ARHGAP11B: variants seen among roughly 807,000 people sequenced by gnomAD.
ARHGAP11B encodes the protein inactive Rho GTPase-activating protein 11B.
Under a neutral mutation model 27.6 loss-of-function variants are expected in ARHGAP11B, and 14 were observed. That is an observed-to-expected ratio of 0.51 (90% CI 0.34 to 0.79). The LOEUF (loss-of-function observed/expected upper bound fraction) is 0.79. Ranked by LOEUF, ARHGAP11B falls within the 30% of genes least tolerant of loss-of-function variation. ARHGAP11B has a pLI of 0.02. For missense variants in ARHGAP11B, 245 were observed against 320.1 expected (o/e 0.77, Z 1.79); for synonymous variants, 82 against 114.1 (o/e 0.72, Z 1.80).
chr15:30,647,140 A>G (rs1341624416), intron 9 of ARHGAP11B, among the ~76,000 whole-genome samples: 2 of 151,870 alleles, frequency 1.3e-5, no homozygotes, highest in African/African-American at 4.8e-5. Context: ...ACCCCCTAAG[A>G]CATTTTTTTC....
intron 6 of ARHGAP11B, among the ~76,000 whole-genome samples, chr15:30,637,652 T>G (rs1381671958): frequency 6.6e-6 from 1 of 151,838 alleles, no homozygotes; most frequent in Non-Finnish European, 1.5e-5. Context: ...GAGAATGGTG[T>G]GAACCTGGGA....
intron 3 of ARHGAP11B, 62 bp from the exon 4 acceptor site, chr15:30,634,108 T>C (rs2060263198): frequency 6.9e-6 from 11 of 1,602,776 alleles, no homozygotes; most frequent in Middle Eastern, 3.5e-4. Flanking sequence ...TAACAAAAGA[T>C]TCTTTATTTG....
intron 9 of ARHGAP11B, among the ~76,000 whole-genome samples, chr15:30,646,968 T>TCAAAACAAAA (rs1046727180): frequency 4.6e-5 from 7 of 152,030 alleles, no homozygotes; most frequent in Admixed American, 3.9e-4. Flanking sequence ...AAACTCCATC[T>TCAAAACAAAA]CAAAACAAAA....
chr15:30,649,010 C>G (rs375038471), exon 11 of ARHGAP11B: 1 of 151,978 alleles, frequency 6.6e-6, no homozygotes, highest in Non-Finnish European at 1.5e-5. Flanking sequence ...TTATTTAAAA[C>G]ATGTTATACC....
exon 1 of ARHGAP11B, chr15:30,626,600 G>A: frequency 1.7e-6 from 1 of 604,658 alleles, no homozygotes; most frequent in African/African-American, 1.9e-5. Flanking sequence ...AGGTGTGGCT[G>A]GATCAAAGGG....
intron 2 of ARHGAP11B, 142 bp downstream of exon 2, chr15:30,630,915 A>G (rs2060241287): frequency 7.0e-7 from 1 of 1,434,606 alleles, no homozygotes; most frequent in Non-Finnish European, 9.3e-7. Context: ...CCTTGTCGCA[A>G]AAGATAGAAA....
rs557586861 is a variant in ARHGAP11B, at chr15:30,629,674, A to G, written c.130-1029A>G. ...AATTGGAGCCAGGTGCTTGAAAGGG[A>G]ATTAGTAAAATTTTGTTACTGTGTT... is the stretch of plus-strand genomic sequence containing the variant. On this transcript the variant is annotated intron_variant, in intron 1 of 10. Transcript: ENST00000428041. Among the ~76,000 whole-genome samples, 10 of 152,232 alleles carry G rather than the reference A, an allele frequency of 6.6e-5. No homozygotes were observed. In the East Asian group the frequency reaches 1.9e-3, roughly 30 times the overall value.
intron 8 of ARHGAP11B, among the ~76,000 whole-genome samples, chr15:30,644,942 C>T (rs1421438559): frequency 6.6e-6 from 1 of 151,878 alleles, no homozygotes; most frequent in Non-Finnish European, 1.5e-5. Context: ...TCCTGTAGAT[C>T]TGGGCAAGTT....
rs146187092 is a variant in ARHGAP11B, at chr15:30,633,877, T to G, written c.297+291T>G. Among the ~76,000 whole-genome samples the G allele has an allele frequency of 9.7e-3, 1,475 of 151,734 alleles. 33 individuals are homozygous for G. The highest frequency in any genetic ancestry group is 0.034 in the African/African-American group (1,395 of 41,170). On this transcript the variant is annotated intron_variant, in intron 3 of 10. Coordinates refer to ENST00000428041, the Ensembl canonical transcript of ARHGAP11B. Reference sequence around the variant, plus strand: ...TGTTAGCCTTCTAGAAGGAGTGATATAGCTGAGTGTGGTGGCACATGCTTG... The same window carrying G: ...TGTTAGCCTTCTAGAAGGAGTGATAGAGCTGAGTGTGGTGGCACATGCTTG...
chr15:30,643,164 T>A (rs1287519435), intron 7 of ARHGAP11B, among the ~76,000 whole-genome samples: 1 of 152,054 alleles, frequency 6.6e-6, no homozygotes, highest in Admixed American at 6.6e-5. Context: ...TCTTCCAGGA[T>A]GCCACATTAC....
intron 7 of ARHGAP11B, chr15:30,641,496 T>A (rs2060315279): frequency 6.6e-6 from 1 of 151,704 alleles, no homozygotes; most frequent in African/African-American, 2.4e-5. Flanking sequence ...CCACCACACC[T>A]GGCTAATTTT....
intron 7 of ARHGAP11B, chr15:30,644,586 G>C: frequency 9.2e-7 from 1 of 1,088,712 alleles, no homozygotes; most frequent in East Asian, 2.4e-5. Flanking sequence ...CATATAAGGA[G>C]ACATATCAAT....
chr15:30,637,046 C>T lies in ARHGAP11B; in HGVS notation c.*3+1413C>T, dbSNP rs576798720. On this transcript the variant is annotated intron_variant, in intron 6 of 10. Coordinates refer to ENST00000428041, the Ensembl canonical transcript of ARHGAP11B. ...TCCTATCCCAAATGGAGATATTTCT[C>T]AGATGCAGATCATCTTTATTGCCCT... Among the ~76,000 whole-genome samples, 13 of 152,116 alleles carry T rather than the reference C, an allele frequency of 8.5e-5. 1 individual carries two copies. The highest frequency in any genetic ancestry group is 3.9e-4 in the Admixed American group (6 of 15,256).
intron 7 of ARHGAP11B, among the ~76,000 whole-genome samples, chr15:30,644,055 A>T (rs145602937): frequency 0.013 from 1,942 of 151,184 alleles, 22 homozygotes; most frequent in Non-Finnish European, 0.022. Flanking sequence ...CCCACCTTAT[A>T]CCTCTTCTGT....
intron 2 of ARHGAP11B, among the ~76,000 whole-genome samples, chr15:30,631,441 G>T (rs1302637039): frequency 6.6e-6 from 1 of 152,000 alleles, no homozygotes; most frequent in Non-Finnish European, 1.5e-5. Context: ...CAGGAGGATC[G>T]CTTGAGCTCA....
chr15:30,627,281 G>A (rs2060215696), intron 1 of ARHGAP11B, among the ~76,000 whole-genome samples: 1 of 151,960 alleles, frequency 6.6e-6, no homozygotes, highest in South Asian at 2.1e-4. Flanking sequence ...TTACCCACTA[G>A]ATGCTGGTAG....
chr15:30,633,531 A>G, exon 3 of ARHGAP11B: 3 of 1,613,530 alleles, frequency 1.9e-6, no homozygotes, highest in Non-Finnish European at 2.5e-6. Flanking sequence ...GAACATATTC[A>G]TACCGAAGGG....
chr15:30,646,676 T>A (rs1266035875), intron 9 of ARHGAP11B, among the ~76,000 whole-genome samples: 10 of 113,800 alleles, frequency 8.8e-5, no homozygotes, highest in East Asian at 5.0e-4. Context: ...AAAAAAAAAA[T>A]ATGTGAAATT....
chr15:30,630,528 A>G (rs1187522290), intron 1 of ARHGAP11B, among the ~76,000 whole-genome samples, 175 bp from the exon 2 acceptor site: 2 of 152,042 alleles, frequency 1.3e-5, no homozygotes, highest in Non-Finnish European at 1.5e-5. Context: ...ACTATCTAAT[A>G]TAGTAATTAT....
Sources: gnomAD v4.1 joint callset for allele counts (sites outside exome capture counted in the v4.1 genomes callset) on GRCh38, gnomAD v4.1.1 for gene constraint, MANE v1.5 for transcripts, NCBI Gene and HGNC (gene_info 2026-07-23, HGNC 2026-07-21) for gene names.